RBFOX3: variants seen among roughly 807,000 people sequenced by gnomAD.
RBFOX3 encodes the protein RNA binding fox-1 homolog 3, also known as RNA binding protein fox-1 homolog 3.
Under a neutral mutation model 48.7 loss-of-function variants are expected in RBFOX3, and 17 were observed. That is an observed-to-expected ratio of 0.35 (90% CI 0.24 to 0.52). The LOEUF (loss-of-function observed/expected upper bound fraction) is 0.52. Ranked by LOEUF, RBFOX3 falls within the 20% of genes least tolerant of loss-of-function variation. The pLI is 0.94. For missense variants in RBFOX3, 382 were observed against 497.5 expected (o/e 0.77, Z 2.21); for synonymous variants, 212 against 209.5 (o/e 1.01, Z -0.10).
At chr17:79,150,418 C>T (rs549759117) in intron 4 of RBFOX3, among the ~76,000 whole-genome samples, 9 of 152,218 alleles carry the variant, frequency 5.9e-5, no homozygotes, top group South Asian at 4.2e-4. Context: ...CAGCTCCATC[C>T]GCAACCCCCA....
chr17:79,422,769 C>T (rs1459110560), intron 2 of RBFOX3, among the ~76,000 whole-genome samples: 3 of 152,140 alleles, frequency 2.0e-5, no homozygotes, highest in Admixed American at 2.0e-4. Context: ...GCAGCCCTGA[C>T]CCCCCTGTGT....
chr17:79,470,809 T>C (rs1204651855), intron 2 of RBFOX3, among the ~76,000 whole-genome samples: 3 of 152,204 alleles, frequency 2.0e-5, no homozygotes, highest in Non-Finnish European at 4.4e-5. Context: ...TGTCATCCTT[T>C]CTCTGGACCC....
intron 9 of RBFOX3, chr17:79,100,246 T>G (rs548803724): frequency 3.3e-5 from 5 of 152,200 alleles, no homozygotes; most frequent in Non-Finnish European, 7.3e-5. Flanking sequence ...TTCCAGAGAT[T>G]TTGCAGCCCC....
At chr17:79,121,693 G>A (rs2035779669) in intron 4 of RBFOX3, among the ~76,000 whole-genome samples, 1 of 152,120 alleles carries the variant, frequency 6.6e-6, no homozygotes, top group Non-Finnish European at 1.5e-5. Context: ...CCCACTCTCA[G>A]TTGGTTCTAT....
chr17:79,414,774 C>T (rs1025503928), intron 2 of RBFOX3, among the ~76,000 whole-genome samples: 11 of 150,056 alleles, frequency 7.3e-5, no homozygotes, highest in East Asian at 3.9e-4. Flanking sequence ...TCTGCACTCC[C>T]GCTGGCGCGA....
intron 3 of RBFOX3, among the ~76,000 whole-genome samples, chr17:79,306,371 GC>G (rs1230305717): frequency 6.6e-6 from 1 of 152,268 alleles, no homozygotes; most frequent in Non-Finnish European, 1.5e-5. Flanking sequence ...GCCAGCCATG[GC>G]CCGCACGCGT....
intron 4 of RBFOX3, among the ~76,000 whole-genome samples, chr17:79,201,092 AACAACAACAACG>A: frequency 6.8e-6 from 1 of 147,288 alleles, no homozygotes; most frequent in East Asian, 2.0e-4. Context: ...ATCACTTCTT[AACAACAACAACG>A]ACAACAACAA....
intron 1 of RBFOX3, among the ~76,000 whole-genome samples, chr17:79,533,744 A>G (rs1410992212): frequency 6.6e-6 from 1 of 152,246 alleles, no homozygotes; most frequent in Non-Finnish European, 1.5e-5. Context: ...AGCAGCCTCT[A>G]GAAAGATCCG....
Position 79,364,888 on chromosome 17 carries a change from G to A in RBFOX3, c.-174-57064C>T, listed in dbSNP as rs2057500715. Among the ~76,000 whole-genome samples, 1 of 152,160 alleles carries A rather than the reference G, an allele frequency of 6.6e-6. No individual in the cohort carries two copies. Among genetic ancestry groups the A allele is most frequent in the Non-Finnish European group, 1.5e-5 (1 of 68,030 alleles). On this transcript the variant is annotated intron_variant, in intron 2 of 14. Coordinates refer to ENST00000693108, the MANE Select transcript of RBFOX3 (RefSeq NM_001350451.2). The surrounding 1 kb of genome is among the most constrained non-coding windows in gnomAD (Gnocchi z 5.1). ...GTGTGGCCAGAACCACTCAGTCAAT[G>A]TGAGGCTGACTCCTGGTGCCCAGGG...
At chr17:79,569,784 A>G (rs2092598508) in intron 1 of RBFOX3, among the ~76,000 whole-genome samples, 1 of 152,260 alleles carries the variant, frequency 6.6e-6, no homozygotes, top group Non-Finnish European at 1.5e-5. Flanking sequence ...TGGATGATGG[A>G]TAACAGATGG....
chr17:79,587,564 A>G (rs2093290979), intron 1 of RBFOX3, among the ~76,000 whole-genome samples: 4 of 152,110 alleles, frequency 2.6e-5, no homozygotes, highest in African/African-American at 9.7e-5. Context: ...TCGTCTACAA[A>G]CCCAGTGGAG....
chr17:79,555,690 G>A (rs920969770), intron 1 of RBFOX3, among the ~76,000 whole-genome samples: 3 of 152,358 alleles, frequency 2.0e-5, no homozygotes, highest in Non-Finnish European at 4.4e-5. Flanking sequence ...TGATGGTGGT[G>A]ATGGTGGTGA....
chr17:79,354,460 C>A (rs2084574833), intron 2 of RBFOX3, among the ~76,000 whole-genome samples: 1 of 152,240 alleles, frequency 6.6e-6, no homozygotes. Context: ...AGTGAGGACA[C>A]CCCAGCCCCC....
chr17:79,226,335 T>C (rs2060307738), intron 4 of RBFOX3, among the ~76,000 whole-genome samples: 1 of 152,198 alleles, frequency 6.6e-6, no homozygotes, highest in African/African-American at 2.4e-5. Flanking sequence ...TTAACCGTAT[T>C]AGCGTCACCC....
At position 79,390,011 on chromosome 17, in the gene RBFOX3, GGTCTCCGCAGCCTCCA is replaced by G. The variant is rs1568165185; in HGVS notation, c.-174-82203_-174-82188del. On this transcript the variant is annotated intron_variant, in intron 2 of 14. Transcript: ENST00000693108. The surrounding 1 kb of genome is among the most constrained non-coding windows in gnomAD (Gnocchi z 4.2). Reference sequence around the variant, plus strand: ...AGCCTCCAGGTCTCCGCAGCCTCCAGGTCTCCGCAGCCTCCAGGTCTCCGTAGCCTCCAGGTCTCCG... The same window carrying G: ...AGCCTCCAGGTCTCCGCAGCCTCCAGGGTCTCCGTAGCCTCCAGGTCTCCG... 1.5e-3 allele frequency among the ~76,000 whole-genome samples: 186 copies of G among 127,378 alleles called. No homozygotes were observed. The highest frequency in any genetic ancestry group is 3.2e-3 in the African/African-American group (122 of 38,574). 83.6% of individuals were successfully genotyped at this position (127,378 alleles called of 152,430 possible). A position where few individuals can be genotyped will look rare whatever the true frequency, so the allele number is the denominator to read the frequency against.
At chr17:79,250,108 AC>A (rs2063718230) in intron 3 of RBFOX3, among the ~76,000 whole-genome samples, 1 of 152,190 alleles carries the variant, frequency 6.6e-6, no homozygotes, top group Non-Finnish European at 1.5e-5. Flanking sequence ...CGTCAGAAAG[AC>A]TATTACTGCT....
At chr17:79,217,900 G>A (rs1489253631) in intron 4 of RBFOX3, among the ~76,000 whole-genome samples, 4 of 152,094 alleles carry the variant, frequency 2.6e-5, no homozygotes, top group African/African-American at 4.8e-5. Flanking sequence ...AAGGAGGTGC[G>A]GGGTGAGGTG....
intron 3 of RBFOX3, among the ~76,000 whole-genome samples, chr17:79,281,926 C>T (rs1171368015): frequency 2.6e-5 from 4 of 152,172 alleles, no homozygotes; most frequent in East Asian, 1.9e-4. Flanking sequence ...TGCAGAAAGA[C>T]GTCAGAACAG....
At position 79,335,616 on chromosome 17, in the gene RBFOX3, C is replaced by T. The variant is rs186557969; in HGVS notation, c.-174-27792G>A. Reference sequence around the variant, plus strand: ...GAGTCCACACCCCTTGGCGCAGAACCCCCAGCCTCCGCCATCTGGCTCTTG... The same window carrying T: ...GAGTCCACACCCCTTGGCGCAGAACTCCCAGCCTCCGCCATCTGGCTCTTG... On this transcript the variant is annotated intron_variant, in intron 2 of 14. Transcript: ENST00000693108. Among the ~76,000 whole-genome samples, 478 of 152,264 alleles carry T rather than the reference C, an allele frequency of 3.1e-3. 3 individuals carry two copies. The highest frequency in any genetic ancestry group is 0.02 in the Middle Eastern group (6 of 294).
Sources: allele counts gnomAD v4.1 joint callset (sites outside exome capture counted in the v4.1 genomes callset), GRCh38; gene constraint gnomAD v4.1.1; non-coding constraint Gnocchi (gnomAD v3.1); transcripts MANE v1.5; gene names NCBI Gene and HGNC (gene_info 2026-07-23, HGNC 2026-07-21).